The following SMAP1 variants were observed in gnomAD, a reference collection of about 807,000 sequenced individuals.
SMAP1 encodes stromal membrane-associated protein 1.
A neutral mutation model predicts 58.5 loss-of-function variants in SMAP1; 24 were observed. The ratio of observed to expected loss-of-function variants is 0.41; its 90% CI spans 0.30 to 0.58. The LOEUF is 0.58. Among genes scored for constraint, SMAP1 ranks in the 20% least tolerant of loss-of-function variants. SMAP1 has a pLI of 0.29. For missense variants in SMAP1, 563 were observed against 566.3 expected (o/e 0.99, Z 0.06); for synonymous variants, 216 against 196.6 (o/e 1.10, Z -0.82).
At chr6:70,742,292 C>G (rs1765847855) in intron 2 of SMAP1, among the ~76,000 whole-genome samples, 2 of 152,280 alleles carry the variant, frequency 1.3e-5, no homozygotes, top group Admixed American at 1.3e-4. Flanking sequence ...TAACAGCACC[C>G]AAGTCACCTC....
intron 6 of SMAP1, among the ~76,000 whole-genome samples, chr6:70,823,321 GC>G (rs2149983767): frequency 6.6e-6 from 1 of 152,238 alleles, no homozygotes; most frequent in South Asian, 2.1e-4. Context: ...ATGAGCCTGT[GC>G]CCCTATGTTA....
intron 4 of SMAP1, among the ~76,000 whole-genome samples, chr6:70,783,280 TC>T (rs1767842992): frequency 6.6e-6 from 1 of 152,112 alleles, no homozygotes; most frequent in African/African-American, 2.4e-5. Flanking sequence ...AGAAAGGACA[TC>T]CACACCAGAA....
At chr6:70,695,135 G>A (rs938090893) in intron 1 of SMAP1, among the ~76,000 whole-genome samples, 5 of 152,078 alleles carry the variant, frequency 3.3e-5, no homozygotes, top group Admixed American at 6.6e-5. Flanking sequence ...TATATTGATT[G>A]TGTATCCTGC....
At chr6:70,675,131 T>C (rs1293961168) in intron 1 of SMAP1, among the ~76,000 whole-genome samples, 1 of 145,968 alleles carries the variant, frequency 6.9e-6, no homozygotes, top group African/African-American at 2.5e-5. Flanking sequence ...CATTGTGACC[T>C]GGAGAATGTT....
chr6:70,747,865 C>G (rs1237855053), intron 2 of SMAP1, among the ~76,000 whole-genome samples: 1 of 152,142 alleles, frequency 6.6e-6, no homozygotes, highest in Middle Eastern at 3.2e-3. Context: ...AAATCAATAT[C>G]TGAGAATATC....
intron 4 of SMAP1, among the ~76,000 whole-genome samples, chr6:70,779,849 G>A (rs892559561): frequency 6.6e-6 from 1 of 152,150 alleles, no homozygotes; most frequent in Non-Finnish European, 1.5e-5. Context: ...CTAGTGCTGG[G>A]GAGTGGCTAC....
At chr6:70,763,769 G>A (rs1453358263) in intron 3 of SMAP1, among the ~76,000 whole-genome samples, 2 of 152,190 alleles carry the variant, frequency 1.3e-5, no homozygotes, top group African/African-American at 4.8e-5. Context: ...TTGGATAGAA[G>A]TTCAAACCAG....
At position 70,811,268 on chromosome 6, in the gene SMAP1, AG is replaced by A. The variant is rs1380366861; in HGVS notation, c.576+12534del. Among the ~76,000 whole-genome samples, 7 of 152,114 alleles carry A rather than the reference AG, an allele frequency of 4.6e-5. No individual in the cohort carries two copies. In the South Asian group the frequency reaches 1.4e-3, roughly 31 times the overall value. ...CATGCCAAGTGCTATTTTTGGCATT[AG>A]GGATAGAGTGGCCAGGAGGCTGTTT... On this transcript the variant is annotated intron_variant, in intron 6 of 10. Coordinates refer to ENST00000370455, the MANE Select transcript of SMAP1 (RefSeq NM_001044305.3).
At chr6:70,766,158 G>A (rs1467989068) in intron 3 of SMAP1, among the ~76,000 whole-genome samples, 4 of 152,074 alleles carry the variant, frequency 2.6e-5, no homozygotes, top group Non-Finnish European at 4.4e-5. Flanking sequence ...TTGGACATTT[G>A]GGTTGGTTCC....
At chr6:70,788,869 C>T (rs890178784) in intron 4 of SMAP1, among the ~76,000 whole-genome samples, 13 of 152,036 alleles carry the variant, frequency 8.6e-5, no homozygotes, top group East Asian at 3.9e-4. Flanking sequence ...AGTTTTACTT[C>T]GAGAATGACA....
At chr6:70,731,862 T>G (rs1765444474) in intron 1 of SMAP1, among the ~76,000 whole-genome samples, 1 of 152,216 alleles carries the variant, frequency 6.6e-6, no homozygotes, top group South Asian at 2.1e-4. Flanking sequence ...TAATTACCAG[T>G]GAGACTGTGC....
intron 6 of SMAP1, among the ~76,000 whole-genome samples, chr6:70,804,686 G>A (rs1057436843): frequency 6.6e-6 from 1 of 152,142 alleles, no homozygotes; most frequent in African/African-American, 2.4e-5. Flanking sequence ...TTGTAAGGCA[G>A]GCCTGGTGGT....
intron 1 of SMAP1, among the ~76,000 whole-genome samples, chr6:70,709,258 C>G (rs948123314): frequency 1.3e-5 from 2 of 152,114 alleles, no homozygotes; most frequent in Non-Finnish European, 2.9e-5. Context: ...GCTTTCTATG[C>G]TGTTTCATTA....
chr6:70,670,398 T>G (rs957684418), intron 1 of SMAP1, among the ~76,000 whole-genome samples: 1 of 152,224 alleles, frequency 6.6e-6, no homozygotes, highest in African/African-American at 2.4e-5. Context: ...GATTTCATGG[T>G]TGTAATAATT....
chr6:70,742,828 C>CA (rs1199004716), intron 2 of SMAP1, among the ~76,000 whole-genome samples: 1 of 152,160 alleles, frequency 6.6e-6, no homozygotes, highest in Admixed American at 6.5e-5. Flanking sequence ...AGGTGAAAGG[C>CA]ACGTCTCACA....
intron 2 of SMAP1, among the ~76,000 whole-genome samples, chr6:70,752,273 G>A (rs974070009): frequency 4.6e-5 from 7 of 152,140 alleles, no homozygotes; most frequent in Non-Finnish European, 7.4e-5. Flanking sequence ...CTAAGAGCCT[G>A]CTGTTAGTAA....
At chr6:70,729,487 G>GTGTGTGTGTA (rs1244017663) in intron 1 of SMAP1, among the ~76,000 whole-genome samples, 2 of 150,942 alleles carry the variant, frequency 1.3e-5, no homozygotes, top group African/African-American at 4.8e-5. Flanking sequence ...GTGTGTGTGT[G>GTGTGTGTGTA]TGTGTGTATG....
intron 4 of SMAP1, among the ~76,000 whole-genome samples, chr6:70,789,724 CAAAAAA>C (rs35376781): frequency 1.2e-4 from 9 of 73,730 alleles, no homozygotes; most frequent in African/African-American, 1.6e-4. Context: ...GACTCTGTCT[CAAAAAA>C]AAAAAAAAAA....
At chr6:70,793,860 G>A (rs938529650) in intron 5 of SMAP1, among the ~76,000 whole-genome samples, 7 of 151,880 alleles carry the variant, frequency 4.6e-5, no homozygotes, top group Non-Finnish European at 2.9e-5. Context: ...TCAGCCTCCC[G>A]AGTAGCTGGG....
Sources: allele counts gnomAD v4.1 joint callset (sites outside exome capture counted in the v4.1 genomes callset), GRCh38; gene constraint gnomAD v4.1.1; transcripts MANE v1.5; gene names NCBI Gene and HGNC (gene_info 2026-07-23, HGNC 2026-07-21).